BANK1: variants seen among roughly 807,000 people sequenced by gnomAD.
BANK1 encodes the protein B cell scaffold protein with ankyrin repeats 1.
Under a neutral mutation model 94.5 loss-of-function variants are expected in BANK1, and 95 were observed. The ratio of observed to expected loss-of-function variants is 1.00; its 90% confidence interval spans 0.85 to 1.19. BANK1 has a LOEUF of 1.19. BANK1 is among the 50% of genes most tolerant of loss of function. BANK1 has a pLI of 0.00. For missense variants in BANK1, 987 were observed against 932.2 expected, an observed-to-expected ratio of 1.06 and a Z score of -0.77; for synonymous variants, 334 against 308.4, an observed-to-expected ratio of 1.08 and a Z score of -0.87.
chr4:101,906,349 G>A (rs185095145), intron 6 of BANK1, among the ~76,000 whole-genome samples: 2 of 152,238 alleles, frequency 1.3e-5, no homozygotes, highest in Admixed American at 6.5e-5. Context: ...TGATCGGGGG[G>A]TATATTCTAA....
chr4:101,870,783 G>T, intron 5 of BANK1, 139 bp downstream of exon 5: 1 of 1,031,488 alleles, frequency 9.7e-7, no homozygotes, highest in Non-Finnish European at 1.3e-6. Context: ...AAGGGAAGAG[G>T]CAACCTCTGT....
chr4:101,865,950 A>G (rs1315160979), intron 4 of BANK1, among the ~76,000 whole-genome samples: 1 of 152,176 alleles, frequency 6.6e-6, no homozygotes, highest in Non-Finnish European at 1.5e-5. Context: ...AATACAGTCC[A>G]ACTCCTAAAC....
intron 7 of BANK1, among the ~76,000 whole-genome samples, chr4:101,926,448 C>T (rs1723155195): frequency 6.6e-6 from 1 of 151,634 alleles, no homozygotes; most frequent in South Asian, 2.1e-4. Flanking sequence ...AATTAATCAA[C>T]TCTCGCTTAA....
chr4:101,934,977 G>C (rs1477607645), intron 7 of BANK1, among the ~76,000 whole-genome samples: 1 of 151,210 alleles, frequency 6.6e-6, no homozygotes, highest in African/African-American at 2.4e-5. Flanking sequence ...ATTTAAAATT[G>C]CCAATACCCA....
chr4:101,888,379 C>A (rs1728931760), intron 5 of BANK1, among the ~76,000 whole-genome samples: 1 of 152,188 alleles, frequency 6.6e-6, no homozygotes, highest in Non-Finnish European at 1.5e-5. Flanking sequence ...TTGGCTGTAG[C>A]CCCCTCTCCC....
chr4:101,986,845 GTATA>G (rs1463968913), intron 7 of BANK1, among the ~76,000 whole-genome samples: 21 of 62,104 alleles, frequency 3.4e-4, no homozygotes, highest in East Asian at 2.2e-3. Flanking sequence ...ATATATATGT[GTATA>G]TATATGTATA....
chr4:101,792,255 T>TCCCCCCCCCCC (rs771698917), intron 1 of BANK1, among the ~76,000 whole-genome samples: 125 of 128,738 alleles, frequency 9.7e-4, no homozygotes, highest in Non-Finnish European at 1.5e-3. Flanking sequence ...TGCATTCCGC[T>TCCCCCCCCCCC]CCCCCCCCGC....
chr4:101,852,588 A>T (rs998376018), intron 2 of BANK1, among the ~76,000 whole-genome samples: 1 of 146,986 alleles, frequency 6.8e-6, no homozygotes, highest in Admixed American at 6.9e-5. Flanking sequence ...TACAGTTTTT[A>T]TTTTACTAGA....
rs113726082 is a variant in BANK1 at position 101,928,332 on chromosome 4, T to G, written c.1206+10143T>G. Among the ~76,000 whole-genome samples, 223 of 151,772 alleles carry G rather than the reference T, an allele frequency of 1.5e-3. 7 individuals carry two copies. Among genetic ancestry groups the G allele is most frequent in the Non-Finnish European group, 6.3e-4 (43 of 67,738 alleles). On this transcript the variant is annotated intron_variant, in intron 7 of 16. Transcript: ENST00000322953. Reference sequence around the variant, plus strand: ...TTTCCTGACATGTGGTTTGGAATCCTTCAAGAAAATGTAGAGGAGGAGACA... The same window carrying G: ...TTTCCTGACATGTGGTTTGGAATCCGTCAAGAAAATGTAGAGGAGGAGACA...
At chr4:102,058,943 C>G (rs546287008) in intron 11 of BANK1, among the ~76,000 whole-genome samples, 127 of 152,288 alleles carry the variant, frequency 8.3e-4, no homozygotes, top group South Asian at 2.5e-3. Flanking sequence ...TGTCCCTGTT[C>G]CAAGATTCAC....
intron 7 of BANK1, among the ~76,000 whole-genome samples, chr4:101,996,191 T>C (rs1487963567): frequency 6.6e-6 from 1 of 152,228 alleles, no homozygotes; most frequent in East Asian, 1.9e-4. Flanking sequence ...GGGAATCCTT[T>C]CCCCATTGCT....
At chr4:101,852,335 A>AT (rs764264608) in intron 2 of BANK1, among the ~76,000 whole-genome samples, 17 of 150,816 alleles carry the variant, frequency 1.1e-4, no homozygotes, top group Admixed American at 2.0e-4. Flanking sequence ...AAATAAATAC[A>AT]TTTTCAGTGT....
intron 2 of BANK1, among the ~76,000 whole-genome samples, chr4:101,842,178 G>A (rs1365732834): frequency 1.3e-5 from 2 of 152,112 alleles, no homozygotes; most frequent in Non-Finnish European, 2.9e-5. Context: ...AAGACCTATG[G>A]TCCAGAAGTG....
rs993427382 is a variant in BANK1 at position 101,888,349 on chromosome 4, G to A, written c.904-6956G>A. On this transcript the variant is annotated intron_variant, in intron 5 of 16. Transcript: ENST00000322953. ...AAACTTTTGCTTTTCTGGTTAAACA[G>A]AGAAAAAGAATAGATATGGTTGGCT... Among the ~76,000 whole-genome samples the A allele has an allele frequency of 6.6e-5, 10 of 152,124 alleles. 1 individual carries two copies. The highest frequency in any genetic ancestry group is 5.9e-4 in the Admixed American group (9 of 15,278).
intron 1 of BANK1, among the ~76,000 whole-genome samples, chr4:101,798,804 G>A (rs1017604726): frequency 6.6e-6 from 1 of 152,056 alleles, no homozygotes; most frequent in Non-Finnish European, 1.5e-5. Context: ...TTTTTGATGG[G>A]GTTGTTTGAT....
intron 1 of BANK1, among the ~76,000 whole-genome samples, chr4:101,808,838 A>G (rs1183052391): frequency 6.6e-6 from 1 of 152,198 alleles, no homozygotes; most frequent in African/African-American, 2.4e-5. Flanking sequence ...CCATAATTAA[A>G]AAGTTAAAAA....
intron 10 of BANK1, among the ~76,000 whole-genome samples, chr4:102,040,437 T>G (rs1384182738): frequency 6.6e-6 from 1 of 152,068 alleles, no homozygotes; most frequent in East Asian, 1.9e-4. Flanking sequence ...TGACAACGAC[T>G]AATAATGCAT....
intron 7 of BANK1, among the ~76,000 whole-genome samples, chr4:102,003,614 A>G (rs1043257542): frequency 3.3e-5 from 5 of 152,250 alleles, no homozygotes; most frequent in Admixed American, 6.5e-5. Context: ...TGCAGAAGTC[A>G]TATTGAGGCA....
intron 7 of BANK1, among the ~76,000 whole-genome samples, chr4:101,973,558 G>C (rs1725026039): frequency 6.6e-6 from 1 of 152,024 alleles, no homozygotes; most frequent in East Asian, 1.9e-4. Context: ...TAGAAGATCA[G>C]TAAATAAACT....
Sources: gnomAD v4.1 joint callset for allele counts (sites outside exome capture counted in the v4.1 genomes callset) on GRCh38, gnomAD v4.1.1 for gene constraint, MANE v1.5 for transcripts, NCBI Gene and HGNC (gene_info 2026-07-23, HGNC 2026-07-21) for gene names.